Variants in DAB1 observed in about 807,000 individuals in gnomAD.
DAB1 encodes the protein disabled homolog 1.
Under a neutral mutation model 64.6 loss-of-function variants are expected in DAB1, and 15 were observed. The ratio of observed to expected loss-of-function variants is 0.23; its 90% confidence interval spans 0.16 to 0.36. DAB1 has a LOEUF of 0.36. Among genes scored for constraint, DAB1 ranks in the 10% least tolerant of loss-of-function variants. DAB1 has a pLI of 1.00. For synonymous variants in DAB1, 235 were observed against 251.9 expected, an observed-to-expected ratio of 0.93 and a Z score of 0.64; for missense variants, 596 against 706.7, an observed-to-expected ratio of 0.84 and a Z score of 1.78.
intron 7 of DAB1, among the ~76,000 whole-genome samples, chr1:57,525,231 A>G (rs1455116259): frequency 6.6e-6 from 1 of 152,224 alleles, no homozygotes; most frequent in East Asian, 1.9e-4. Context: ...GGTCATGGGA[A>G]ATTCCCAAAC....
intron 5 of DAB1, among the ~76,000 whole-genome samples, chr1:57,936,241 G>A (rs534158361): frequency 6.6e-6 from 1 of 152,310 alleles, no homozygotes; most frequent in East Asian, 1.9e-4. Flanking sequence ...TCCTCGGCTG[G>A]AGCCCAGGCC....
At chr1:57,548,375 A>G (rs1462025845) in intron 7 of DAB1, among the ~76,000 whole-genome samples, 1 of 152,172 alleles carries the variant, frequency 6.6e-6, no homozygotes, top group African/African-American at 2.4e-5. Context: ...AAATCCCATG[A>G]CAGCGTTCAC....
chr1:57,662,346 G>A (rs552754459), intron 6 of DAB1, among the ~76,000 whole-genome samples: 8 of 152,192 alleles, frequency 5.3e-5, no homozygotes, highest in African/African-American at 1.9e-4. Flanking sequence ...ACAGGTATGC[G>A]CCACCACGCC....
chr1:58,302,246 T>G (rs544001250), intron 4 of DAB1, among the ~76,000 whole-genome samples: 1 of 152,244 alleles, frequency 6.6e-6, no homozygotes, highest in East Asian at 1.9e-4. Context: ...ACATTCTCAG[T>G]ATAGTCCAAG....
intron 6 of DAB1, among the ~76,000 whole-genome samples, chr1:57,705,413 G>A (rs1399325656): frequency 1.3e-5 from 2 of 151,926 alleles, no homozygotes; most frequent in African/African-American, 4.8e-5. Flanking sequence ...TTTACATATG[G>A]CTACTAATAA....
chr1:57,857,415 G>T (rs1313859271), intron 1 of DAB1, among the ~76,000 whole-genome samples: 5 of 152,162 alleles, frequency 3.3e-5, no homozygotes, highest in Non-Finnish European at 7.4e-5. Flanking sequence ...AGAGATGATG[G>T]TAATGATGAT....
At chr1:58,102,548 C>T (rs914050600) in intron 5 of DAB1, among the ~76,000 whole-genome samples, 15 of 152,140 alleles carry the variant, frequency 9.9e-5, no homozygotes, top group African/African-American at 3.6e-4. Flanking sequence ...ATATCAAGAT[C>T]TTAGATGATA....
intron 3 of DAB1, among the ~76,000 whole-genome samples, chr1:57,139,749 A>G (rs2100805856): frequency 6.6e-6 from 1 of 152,274 alleles, no homozygotes; most frequent in South Asian, 2.1e-4. Context: ...CTGATTAGAT[A>G]CTAAGGCCCC....
At chr1:58,489,342 T>C (rs188808899) in intron 3 of DAB1, among the ~76,000 whole-genome samples, 4 of 152,302 alleles carry the variant, frequency 2.6e-5, no homozygotes, top group Non-Finnish European at 5.9e-5. Context: ...GCCTCGCTCA[T>C]TACTAGCACA....
chr1:57,840,082 T>C (rs758329117), intron 1 of DAB1, among the ~76,000 whole-genome samples: 17 of 152,200 alleles, frequency 1.1e-4, no homozygotes, highest in Non-Finnish European at 2.1e-4. Context: ...AGAGGAGAAA[T>C]AGGAGACTGT....
At chr1:58,026,316 G>C (rs2100466779) in intron 5 of DAB1, among the ~76,000 whole-genome samples, 1 of 152,254 alleles carries the variant, frequency 6.6e-6, no homozygotes, top group African/African-American at 2.4e-5. Context: ...GCATTGTTTA[G>C]AAGCAAGAGG....
chr1:58,158,747 G>T (rs1655355032), intron 4 of DAB1, among the ~76,000 whole-genome samples: 1 of 152,014 alleles, frequency 6.6e-6, no homozygotes, highest in South Asian at 2.1e-4. Flanking sequence ...TCGTTAAGCA[G>T]CTTAATCTTT....
At chr1:57,210,126 G>A (rs1665888918) in intron 2 of DAB1, among the ~76,000 whole-genome samples, 1 of 152,040 alleles carries the variant, frequency 6.6e-6, no homozygotes, top group Admixed American at 6.6e-5. Flanking sequence ...TGTCTAAAAC[G>A]GTGCTTAAAA....
chr1:57,456,046 C>T (rs1686579202), intron 7 of DAB1, among the ~76,000 whole-genome samples: 1 of 152,132 alleles, frequency 6.6e-6, no homozygotes, highest in African/African-American at 2.4e-5. Flanking sequence ...CGAACAAAAG[C>T]TAACAGGATC....
intron 4 of DAB1, among the ~76,000 whole-genome samples, chr1:58,213,314 G>A (rs879820094): frequency 5.3e-5 from 8 of 152,112 alleles, no homozygotes; most frequent in Non-Finnish European, 1.0e-4. Context: ...AAGATTAAAG[G>A]CAGGGTCATT....
At chr1:57,003,395 C>A (rs1268359373) in intron 14 of DAB1, among the ~76,000 whole-genome samples, 1 of 152,148 alleles carries the variant, frequency 6.6e-6, no homozygotes, top group African/African-American at 2.4e-5. Flanking sequence ...GCCTTTAGAG[C>A]TCCTGTCTTC....
Position 57,071,034 on chromosome 1 carries a change from G to T in DAB1, c.586C>A (p.Pro196Thr). The T allele has an allele frequency of 6.2e-7, 1 of 1,612,946 alleles. No individual in the cohort carries two copies. The highest frequency in any genetic ancestry group is 8.5e-7 in the Non-Finnish European group (1 of 1,179,026). Residue 196 changes from proline (P) to threonine (T), a missense_variant, in exon 7 of 15, where the codon CCT becomes ACT. Coordinates refer to ENST00000371236, the MANE Select transcript of DAB1 (RefSeq NM_001365792.1). ...QTILEEDVED[P>T]VYQYIVFEAG... ...GTTTCAGAAATTACCTGGTACACAG[G>T]ATCTTCAACATCCTCTTCCAATATT...
intron 5 of DAB1, among the ~76,000 whole-genome samples, chr1:58,059,909 T>C (rs1333314926): frequency 6.6e-6 from 1 of 152,208 alleles, no homozygotes; most frequent in East Asian, 1.9e-4. Context: ...ACGGTCCTTA[T>C]GCTAGGCAAC....
At chr1:57,150,985 G>C (rs937714687) in intron 2 of DAB1, among the ~76,000 whole-genome samples, 1 of 152,106 alleles carries the variant, frequency 6.6e-6, no homozygotes, top group African/African-American at 2.4e-5. Context: ...AGAAAACCCT[G>C]TCTCAAAAGA....
Sources: gnomAD v4.1 joint callset for allele counts (sites outside exome capture counted in the v4.1 genomes callset) on GRCh38, gnomAD v4.1.1 for gene constraint, MANE v1.5 for transcripts, NCBI Gene and HGNC (gene_info 2026-07-23, HGNC 2026-07-21) for gene names.